NXPE2: variants seen among roughly 807,000 people sequenced by gnomAD.
NXPE2 encodes the protein neurexophilin and PC-esterase domain family member 2, also known as NXPE family member 2.
A neutral mutation model predicts 34.4 loss-of-function variants in NXPE2; 34 were observed. The observed-to-expected ratio is 0.99, with a 90% CI of 0.75 to 1.31. The LOEUF is 1.31. Among genes scored for constraint, NXPE2 ranks in the 40% most tolerant of loss-of-function variants. The pLI is 0.00. For synonymous variants in NXPE2, 235 were observed against 231.3 expected, an observed-to-expected ratio of 1.02 and a Z score of -0.15; for missense variants, 649 against 672.5, an observed-to-expected ratio of 0.97 and a Z score of 0.39.
At chr11:114,704,140 G>T (rs1951427466) in intron 4 of NXPE2, 88 bp downstream of exon 4, 2 of 949,820 alleles carry the variant, frequency 2.1e-6, no homozygotes, top group Non-Finnish European at 3.2e-6. Flanking sequence ...CCACATTAAC[G>T]ATTTGATCTC....
chr11:114,623,873 AC>A, the NXPE2 span, among the ~76,000 whole-genome samples: 2 of 152,228 alleles, frequency 1.3e-5, no homozygotes, highest in East Asian at 3.9e-4. Flanking sequence ...AACAACTGTT[AC>A]CCAGGGGATA....
the NXPE2 span, among the ~76,000 whole-genome samples, chr11:114,633,764 T>G: frequency 6.6e-6 from 1 of 151,994 alleles, no homozygotes; most frequent in African/African-American, 2.4e-5. Flanking sequence ...GATTTCCAAT[T>G]TCATCCATGT....
intron 3 of NXPE2, among the ~76,000 whole-genome samples, chr11:114,700,752 A>C (rs899041366): frequency 3.9e-5 from 6 of 152,160 alleles, no homozygotes; most frequent in Non-Finnish European, 7.3e-5. Flanking sequence ...ACTTCTCAGA[A>C]ACTTTAATAT....
the NXPE2 span, among the ~76,000 whole-genome samples, chr11:114,639,967 A>ATT: frequency 1.4e-5 from 1 of 73,862 alleles, no homozygotes; most frequent in South Asian, 4.9e-4. Flanking sequence ...TATTAAATAT[A>ATT]TTATATATAA....
At chr11:114,783,262 C>T in the NXPE2 span, among the ~76,000 whole-genome samples, 2 of 152,182 alleles carry the variant, frequency 1.3e-5, no homozygotes, top group African/African-American at 4.8e-5. Context: ...AAAGTTAAAA[C>T]AAAGTTTGCA....
chr11:114,762,950 G>A, the NXPE2 span, among the ~76,000 whole-genome samples: 1 of 151,876 alleles, frequency 6.6e-6, no homozygotes, highest in East Asian at 1.9e-4. Flanking sequence ...TTGAAATTAG[G>A]ACAACGTCAT....
chr11:114,694,161 A>G lies in NXPE2; in HGVS notation c.133-3884A>G, dbSNP rs1041206384. ...CTGTCTTCTACTTTTAAAAACTCTC[A>G]TGATTACATTTGACTCACCTGTATA... On this transcript the variant is annotated intron_variant, in intron 2 of 5. Coordinates refer to ENST00000389586, the MANE Select transcript of NXPE2 (RefSeq NM_182495.6). Among the ~76,000 whole-genome samples, 6 of 152,218 alleles carry G rather than the reference A, an allele frequency of 3.9e-5. 1 individual carries two copies. The highest frequency in any genetic ancestry group is 1.4e-4 in the African/African-American group (6 of 41,460).
At chr11:114,542,533 A>G in the NXPE2 span, among the ~76,000 whole-genome samples, 1 of 152,206 alleles carries the variant, frequency 6.6e-6, no homozygotes, top group Non-Finnish European at 1.5e-5. Flanking sequence ...TGCTCTGACA[A>G]TGTAGATACA....
chr11:114,577,052 TATATAC>T, the NXPE2 span, among the ~76,000 whole-genome samples: 2 of 38,630 alleles, frequency 5.2e-5, no homozygotes, highest in Non-Finnish European at 9.3e-5. Flanking sequence ...AAGTTATATA[TATATAC>T]ATATATATAT....
chr11:114,789,741 G>A, the NXPE2 span, among the ~76,000 whole-genome samples: 1 of 152,286 alleles, frequency 6.6e-6, no homozygotes, highest in Non-Finnish European at 1.5e-5. Context: ...GGTAAAGCCA[G>A]GCATCCCTCT....
At chr11:114,691,051 A>G (rs1217033874) in intron 2 of NXPE2, among the ~76,000 whole-genome samples, 1 of 151,988 alleles carries the variant, frequency 6.6e-6, no homozygotes, top group Non-Finnish European at 1.5e-5. Context: ...TGCCATTCAC[A>G]TTCTGAATTC....
the NXPE2 span, among the ~76,000 whole-genome samples, chr11:114,498,110 C>T: frequency 1.1e-4 from 16 of 152,008 alleles, no homozygotes; most frequent in Admixed American, 6.5e-4. Context: ...TTTTCTGTAT[C>T]GATGTCAATA....
chr11:114,534,989 C>A, the NXPE2 span, among the ~76,000 whole-genome samples: 1 of 152,058 alleles, frequency 6.6e-6, no homozygotes, highest in Admixed American at 6.6e-5. Context: ...TCAAATTCAC[C>A]AAAGTTTAAA....
At chr11:114,504,761 G>A in the NXPE2 span, among the ~76,000 whole-genome samples, 1 of 152,246 alleles carries the variant, frequency 6.6e-6, no homozygotes, top group East Asian at 1.9e-4. Flanking sequence ...AGGTAGATAA[G>A]CCCACAAAGA....
the NXPE2 span, among the ~76,000 whole-genome samples, chr11:114,748,470 C>T: frequency 6.6e-6 from 1 of 152,234 alleles, no homozygotes; most frequent in African/African-American, 2.4e-5. Flanking sequence ...AGTTGCTTTT[C>T]ACTGTCTTGT....
chr11:114,601,763 G>A, the NXPE2 span, among the ~76,000 whole-genome samples: 65,294 of 66,706 alleles, frequency 0.98, 32,184 homozygotes, highest in Non-Finnish European at 1. Context: ...ATATATATGT[G>A]ATTATATATT....
downstream of NXPE2, among the ~76,000 whole-genome samples, chr11:114,708,825 A>G (rs148156188): frequency 6.6e-6 from 1 of 152,266 alleles, no homozygotes; most frequent in African/African-American, 2.4e-5. Context: ...AACCATTGCA[A>G]TGTTAATTGC....
chr11:114,739,192 C>G, the NXPE2 span, among the ~76,000 whole-genome samples: 1 of 152,176 alleles, frequency 6.6e-6, no homozygotes, highest in Non-Finnish European at 1.5e-5. Flanking sequence ...AGACCATTTA[C>G]CAATGGTGGT....
the NXPE2 span, among the ~76,000 whole-genome samples, chr11:114,770,126 T>C: frequency 6.6e-6 from 1 of 152,212 alleles, no homozygotes; most frequent in African/African-American, 2.4e-5. Context: ...CAAAGATCTT[T>C]CCTTGGCCAA....
Sources: gnomAD v4.1 joint callset for allele counts (sites outside exome capture counted in the v4.1 genomes callset) on GRCh38, gnomAD v4.1.1 for gene constraint, MANE v1.5 for transcripts, NCBI Gene and HGNC (gene_info 2026-07-23, HGNC 2026-07-21) for gene names.